Variants in SGCZ observed in about 807,000 individuals in gnomAD.
SGCZ encodes the protein sarcoglycan zeta, also known as zeta-sarcoglycan.
SGCZ carries 40 observed loss-of-function variants against 41.3 expected under a neutral mutation model. The ratio of observed to expected loss-of-function variants is 0.97; its 90% CI spans 0.75 to 1.26. The LOEUF is 1.26. Among genes scored for constraint, SGCZ ranks in the 50% most tolerant of loss-of-function variants. SGCZ has a pLI of 0.00. For synonymous variants in SGCZ, 206 were observed against 137.5 expected (o/e 1.50, Z -3.49); for missense variants, 552 against 369.8 (o/e 1.49, Z -4.04).
intron 4 of SGCZ, among the ~76,000 whole-genome samples, chr8:14,220,478 C>G (rs888992150): frequency 6.6e-6 from 1 of 152,240 alleles, no homozygotes; most frequent in Admixed American, 6.5e-5. Context: ...AGATCTTGAC[C>G]GTGATCTTAG....
At chr8:14,193,687 C>A (rs928814914) in intron 4 of SGCZ, among the ~76,000 whole-genome samples, 1 of 151,938 alleles carries the variant, frequency 6.6e-6, no homozygotes, top group Non-Finnish European at 1.5e-5. Flanking sequence ...TGAGTATATT[C>A]TGAAATAGCA....
chr8:14,323,913 G>C, intron 3 of SGCZ, among the ~76,000 whole-genome samples, 190 bp downstream of exon 3: 1 of 152,038 alleles, frequency 6.6e-6, no homozygotes, highest in Non-Finnish European at 1.5e-5. Flanking sequence ...GGTTCTCTAA[G>C]ATTTGTCGGG....
intron 1 of SGCZ, among the ~76,000 whole-genome samples, chr8:14,694,692 G>A (rs1808901744): frequency 6.6e-6 from 1 of 152,086 alleles, no homozygotes; most frequent in Admixed American, 6.5e-5. Flanking sequence ...GGCAAGTAAA[G>A]AAATAACCTT....
At chr8:14,742,150 T>C (rs1250188047) in intron 1 of SGCZ, among the ~76,000 whole-genome samples, 2 of 152,028 alleles carry the variant, frequency 1.3e-5, no homozygotes, top group Admixed American at 6.6e-5. Flanking sequence ...GCCTAAAGTT[T>C]ATATACCATG....
intron 1 of SGCZ, among the ~76,000 whole-genome samples, chr8:14,877,519 T>C (rs544237074): frequency 1.3e-5 from 2 of 152,310 alleles, no homozygotes; most frequent in East Asian, 3.9e-4. Context: ...TATTCCATCA[T>C]ATGCTACATG....
At chr8:14,230,438 A>T (rs1327686549) in intron 4 of SGCZ, among the ~76,000 whole-genome samples, 2 of 152,092 alleles carry the variant, frequency 1.3e-5, no homozygotes, top group Non-Finnish European at 2.9e-5. Flanking sequence ...TATGAGGCAA[A>T]TACTCATATT....
chr8:15,149,533 T>A (rs1799121523), intron 1 of SGCZ, among the ~76,000 whole-genome samples: 1 of 152,146 alleles, frequency 6.6e-6, no homozygotes, highest in Non-Finnish European at 1.5e-5. Flanking sequence ...GACAACTTGA[T>A]ATGCTCTAGC....
At chr8:14,483,739 A>G (rs1211196047) in intron 2 of SGCZ, among the ~76,000 whole-genome samples, 1 of 152,190 alleles carries the variant, frequency 6.6e-6, no homozygotes, top group African/African-American at 2.4e-5. Flanking sequence ...GTATAAGAAT[A>G]ACAGGTTTCA....
At chr8:14,824,096 C>T (rs1399485029) in intron 1 of SGCZ, among the ~76,000 whole-genome samples, 5 of 151,680 alleles carry the variant, frequency 3.3e-5, no homozygotes, top group African/African-American at 4.8e-5. Flanking sequence ...ACTAGGGAAG[C>T]AAAAGAGGAG....
intron 2 of SGCZ, among the ~76,000 whole-genome samples, chr8:14,483,277 A>C (rs1236344046): frequency 6.6e-6 from 1 of 152,212 alleles, no homozygotes; most frequent in African/African-American, 2.4e-5. Flanking sequence ...TGTAGAACAA[A>C]TGGGATTTGA....
At chr8:14,793,558 C>T (rs1287017731) in intron 1 of SGCZ, among the ~76,000 whole-genome samples, 1 of 152,154 alleles carries the variant, frequency 6.6e-6, no homozygotes, top group Admixed American at 6.6e-5. Context: ...AAAGCTGCTT[C>T]CTTAACTGGC....
At chr8:14,103,691 C>T (rs371897362) in intron 6 of SGCZ, among the ~76,000 whole-genome samples, 1 of 151,842 alleles carries the variant, frequency 6.6e-6, no homozygotes, top group Non-Finnish European at 1.5e-5. Context: ...AAATTTTAAT[C>T]CCTATGGGCC....
chr8:14,785,495 A>G (rs1800740181), intron 1 of SGCZ, among the ~76,000 whole-genome samples: 1 of 152,162 alleles, frequency 6.6e-6, no homozygotes, highest in Non-Finnish European at 1.5e-5. Context: ...GACTATCGAA[A>G]AATACCCAAT....
chr8:14,312,485 T>C (rs539703986), intron 3 of SGCZ, among the ~76,000 whole-genome samples: 2 of 152,234 alleles, frequency 1.3e-5, no homozygotes, highest in South Asian at 4.1e-4. Flanking sequence ...GAAATAATAC[T>C]GTTGGTGCTT....
chr8:14,474,231 A>G (rs1801295242), intron 2 of SGCZ, among the ~76,000 whole-genome samples: 1 of 152,220 alleles, frequency 6.6e-6, no homozygotes, highest in African/African-American at 2.4e-5. Context: ...AAACACATGA[A>G]AACGAGAATA....
chr8:14,301,596 T>C (rs1801192305), intron 3 of SGCZ, among the ~76,000 whole-genome samples: 1 of 152,128 alleles, frequency 6.6e-6, no homozygotes, highest in Non-Finnish European at 1.5e-5. Context: ...TCTTCAACTT[T>C]GGTTTCTCTA....
intron 2 of SGCZ, among the ~76,000 whole-genome samples, chr8:14,465,591 G>C (rs11996820): frequency 0.47 from 71,621 of 151,104 alleles, 17,891 homozygotes; most frequent in African/African-American, 0.64. Context: ...TTGTATTACT[G>C]TATCTTTTAT....
intron 1 of SGCZ, among the ~76,000 whole-genome samples, chr8:14,594,368 T>TA (rs1013862711): frequency 1.6e-3 from 244 of 150,086 alleles, no homozygotes; most frequent in African/African-American, 5.3e-3. Flanking sequence ...GATGTAGCAT[T>TA]AAAAAAAAAC....
intron 1 of SGCZ, among the ~76,000 whole-genome samples, chr8:15,152,615 C>T (rs1461777756): frequency 3.3e-5 from 5 of 151,998 alleles, no homozygotes; most frequent in African/African-American, 4.8e-5. Context: ...GAAGGCACGG[C>T]GAGTAGAAAA....
Sources: gnomAD v4.1 joint callset for allele counts (sites outside exome capture counted in the v4.1 genomes callset) on GRCh38, gnomAD v4.1.1 for gene constraint, MANE v1.5 for transcripts, NCBI Gene and HGNC (gene_info 2026-07-23, HGNC 2026-07-21) for gene names.